The following PLXDC2 variants were observed in gnomAD, a reference collection of about 807,000 sequenced individuals.
The protein encoded by PLXDC2 is plexin domain-containing protein 2.
A neutral mutation model predicts 68.9 loss-of-function variants in PLXDC2; 40 were observed. That is an observed-to-expected ratio of 0.58 (90% CI 0.45 to 0.76). The LOEUF (loss-of-function observed/expected upper bound fraction) is 0.76, where lower values mean the gene tolerates loss of function less well. Among genes scored for constraint, PLXDC2 ranks in the 30% least tolerant of loss-of-function variants. The pLI is 0.00. For synonymous variants in PLXDC2, 243 were observed against 234.2 expected, an observed-to-expected ratio of 1.04 and a Z score of -0.34; for missense variants, 644 against 661.9, an observed-to-expected ratio of 0.97 and a Z score of 0.30.
At chr10:20,172,348 T>G (rs1372222067) in intron 7 of PLXDC2, among the ~76,000 whole-genome samples, 1 of 151,930 alleles carries the variant, frequency 6.6e-6, no homozygotes, top group Non-Finnish European at 1.5e-5. Flanking sequence ...AACACCAGGT[T>G]CAGGACAAGC....
At chr10:19,979,077 G>A (rs1156294347) in intron 1 of PLXDC2, among the ~76,000 whole-genome samples, 1 of 152,178 alleles carries the variant, frequency 6.6e-6, no homozygotes, top group Non-Finnish European at 1.5e-5. Context: ...AGTCCATGTT[G>A]ACACAGTAGT....
intron 13 of PLXDC2, among the ~76,000 whole-genome samples, chr10:20,268,090 T>G (rs1835893950): frequency 6.6e-6 from 1 of 152,168 alleles, no homozygotes; most frequent in African/African-American, 2.4e-5. Context: ...GACAATATAA[T>G]TACAAATGTA....
chr10:19,869,369 A>G (rs1837488073), intron 1 of PLXDC2, among the ~76,000 whole-genome samples: 1 of 151,230 alleles, frequency 6.6e-6, no homozygotes, highest in Non-Finnish European at 1.5e-5. Context: ...GGTTGCAATG[A>G]GCTGAAATGC....
chr10:19,932,969 C>G (rs1320608565), intron 1 of PLXDC2, among the ~76,000 whole-genome samples: 1 of 152,156 alleles, frequency 6.6e-6, no homozygotes, highest in Non-Finnish European at 1.5e-5. Flanking sequence ...CTAGGACACT[C>G]TTGCTGCCAC....
intron 3 of PLXDC2, among the ~76,000 whole-genome samples, chr10:20,061,466 A>C (rs1836101760): frequency 1.3e-5 from 2 of 152,216 alleles, no homozygotes; most frequent in South Asian, 4.1e-4. Flanking sequence ...CATGAGGTAC[A>C]TGATGACAAT....
chr10:19,948,792 C>A (rs1212088063), intron 1 of PLXDC2, among the ~76,000 whole-genome samples: 1 of 151,862 alleles, frequency 6.6e-6, no homozygotes, highest in African/African-American at 2.4e-5. Flanking sequence ...CTCTGCTGCC[C>A]ATATTATGTT....
chr10:20,034,335 T>C (rs1448650913), intron 2 of PLXDC2, among the ~76,000 whole-genome samples: 1 of 152,198 alleles, frequency 6.6e-6, no homozygotes, highest in Non-Finnish European at 1.5e-5. Flanking sequence ...ATTAGGTTGA[T>C]TAAATATCCT....
rs1161034700 is a variant in PLXDC2, at chr10:19,985,150, T to G, written c.113-16625T>G. On this transcript the variant is annotated intron_variant, in intron 1 of 13. Transcript: ENST00000377252. ...TCAGGGCGATACATGCATTGCAAACTGAGATGCTTTGGTCAGATTTCTGGT... is the reference window on the plus strand; with the variant it reads ...TCAGGGCGATACATGCATTGCAAACGGAGATGCTTTGGTCAGATTTCTGGT... 5.3e-5 allele frequency among the ~76,000 whole-genome samples: 8 copies of G among 152,348 alleles called. No homozygotes were observed. In the East Asian group the frequency reaches 1.5e-3, roughly 29 times the overall value.
At chr10:20,055,825 T>G (rs1835988359) in intron 3 of PLXDC2, among the ~76,000 whole-genome samples, 1 of 152,150 alleles carries the variant, frequency 6.6e-6, no homozygotes, top group Admixed American at 6.6e-5. Flanking sequence ...TTCAATACTA[T>G]TCATACTTTT....
intron 4 of PLXDC2, among the ~76,000 whole-genome samples, chr10:20,068,510 G>A (rs1359661876): frequency 1.3e-5 from 2 of 151,228 alleles, no homozygotes; most frequent in African/African-American, 2.4e-5. Context: ...TGGTAAGACT[G>A]TCCAAATGGC....
At chr10:20,045,606 A>G (rs1835784151) in intron 2 of PLXDC2, among the ~76,000 whole-genome samples, 1 of 152,132 alleles carries the variant, frequency 6.6e-6, no homozygotes, top group Non-Finnish European at 1.5e-5. Context: ...TCCTTTTTGT[A>G]ATCAGTTACA....
At chr10:19,964,154 T>C (rs1834208459) in intron 1 of PLXDC2, among the ~76,000 whole-genome samples, 1 of 152,222 alleles carries the variant, frequency 6.6e-6, no homozygotes, top group Non-Finnish European at 1.5e-5. Flanking sequence ...TTTCTTTGGC[T>C]ATTCCCACCA....
intron 1 of PLXDC2, among the ~76,000 whole-genome samples, chr10:19,961,508 C>A (rs1341420384): frequency 6.6e-6 from 1 of 152,176 alleles, no homozygotes; most frequent in Non-Finnish European, 1.5e-5. Context: ...ACAAAAATTG[C>A]GTAAGGAGGG....
At chr10:20,065,931 G>A (rs981774101) in intron 3 of PLXDC2, among the ~76,000 whole-genome samples, 1 of 152,254 alleles carries the variant, frequency 6.6e-6, no homozygotes, top group Non-Finnish European at 1.5e-5. Context: ...CCTGTGGCCT[G>A]GGAGTTGAGG....
rs201367290 is a variant in PLXDC2, at chr10:20,219,038, A to G, written c.1274-26A>G. The G allele has an allele frequency of 1.0e-3, 1,618 of 1,605,890 alleles. 1 individual carries two copies. The highest frequency in any genetic ancestry group is 1.3e-3 in the Non-Finnish European group (1,552 of 1,176,162). The stretch of plus-strand genomic sequence containing the variant: ...CCTTTGAAATCAATCCTTTTCTGTT[A>G]TAGTAACTTTGAATTTCTCTTCCAG... On this transcript the variant is annotated intron_variant, in intron 11 of 13. Transcript: ENST00000377252.
chr10:19,870,720 C>A (rs1355588302), intron 1 of PLXDC2, among the ~76,000 whole-genome samples: 1 of 152,066 alleles, frequency 6.6e-6, no homozygotes, highest in African/African-American at 2.4e-5. Context: ...GCCAGCACAC[C>A]CAGCCTACTA....
At chr10:19,920,922 C>CTTTAT (rs910109312) in intron 1 of PLXDC2, among the ~76,000 whole-genome samples, 3 of 151,644 alleles carry the variant, frequency 2.0e-5, no homozygotes, top group South Asian at 2.1e-4. Context: ...ATTTTTATTA[C>CTTTAT]TTTATTTTAT....
intron 1 of PLXDC2, among the ~76,000 whole-genome samples, chr10:19,852,293 A>G (rs1414654833): frequency 6.6e-6 from 1 of 151,802 alleles, no homozygotes; most frequent in Non-Finnish European, 1.5e-5. Flanking sequence ...GGTGCCAGCT[A>G]GGAGGATCCC....
At chr10:20,146,160 G>A (rs1002260661) in intron 5 of PLXDC2, among the ~76,000 whole-genome samples, 2 of 152,066 alleles carry the variant, frequency 1.3e-5, no homozygotes, top group Admixed American at 6.5e-5. Context: ...ACCAGAGTGC[G>A]ATAGAAACTA....
Sources: allele counts gnomAD v4.1 joint callset (sites outside exome capture counted in the v4.1 genomes callset), GRCh38; gene constraint gnomAD v4.1.1; transcripts MANE v1.5; gene names NCBI Gene and HGNC (gene_info 2026-07-23, HGNC 2026-07-21).